The following IQSEC3 variants were observed in gnomAD, a reference collection of about 807,000 sequenced individuals.
The protein encoded by IQSEC3 is IQ motif and SEC7 domain-containing protein 3.
Under a neutral mutation model 105.4 loss-of-function variants are expected in IQSEC3, and 50 were observed. The observed-to-expected ratio is 0.47, with a 90% CI of 0.38 to 0.60. IQSEC3 has a LOEUF of 0.60. Ranked by LOEUF, IQSEC3 falls within the 20% of genes least tolerant of loss-of-function variation. The pLI is 0.00. For missense variants in IQSEC3, 1,415 were observed against 1,630.0 expected (o/e 0.87, Z 2.27); for synonymous variants, 708 against 746.0 (o/e 0.95, Z 0.83).
At chr12:123,438 A>AAAAT (rs1400199538) in intron 2 of IQSEC3, among the ~76,000 whole-genome samples, 4 of 152,178 alleles carry the variant, frequency 2.6e-5, no homozygotes, top group Admixed American at 6.5e-5. Context: ...CACTGGCTCA[A>AAAAT]AAATAAATAA....
At chr12:116,689 C>T (rs1865059649) in intron 2 of IQSEC3, among the ~76,000 whole-genome samples, 1 of 152,252 alleles carries the variant, frequency 6.6e-6, no homozygotes, top group Non-Finnish European at 1.5e-5. Context: ...GGAGGCACTT[C>T]CCTGACCCTT....
At chr12:134,232 A>G (rs1311971354) in intron 3 of IQSEC3, among the ~76,000 whole-genome samples, 1 of 152,270 alleles carries the variant, frequency 6.6e-6, no homozygotes, top group Non-Finnish European at 1.5e-5. Context: ...TGTGCTGGGC[A>G]CTGTCCAAGC....
chr12:104,449 T>C (rs1210602264), intron 2 of IQSEC3, among the ~76,000 whole-genome samples: 5 of 152,226 alleles, frequency 3.3e-5, no homozygotes, highest in African/African-American at 1.2e-4. Flanking sequence ...GAAGAAAATA[T>C]AAATGGGACT....
At chr12:149,679 G>A (rs1184941810) in intron 5 of IQSEC3, among the ~76,000 whole-genome samples, 2 of 152,220 alleles carry the variant, frequency 1.3e-5, no homozygotes, top group African/African-American at 2.4e-5. Flanking sequence ...ATGACACAGG[G>A]AGATAAACGC....
At chr12:83,406 C>G (rs548018697) in intron 1 of IQSEC3, among the ~76,000 whole-genome samples, 10 of 151,744 alleles carry the variant, frequency 6.6e-5, no homozygotes, top group African/African-American at 2.4e-4. Flanking sequence ...TTCCCAAGGA[C>G]TAGAAGAAAA....
Position 176,326 on chromosome 12 carries a change from C to T in IQSEC3, c.*1293C>T, listed in dbSNP as rs186216140. ...TCCCCAGCCAGACGAGAGGCAGCCA[C>T]CCCAGAGACCACAGGAGCCGTACCA... On this transcript the variant is annotated 3_prime_UTR_variant, in exon 14 of 14. Coordinates refer to ENST00000538872, the MANE Select transcript of IQSEC3 (RefSeq NM_001170738.2). This position sits in a 1 kb window ranked among gnomAD's most constrained non-coding sequence, Gnocchi z 4.0. 1.3e-5 allele frequency: 2 copies of T among 152,596 alleles called. No homozygotes were observed. The highest frequency in any genetic ancestry group is 4.8e-5 in the African/African-American group (2 of 41,590). The allele number at this position is 152,596 out of a possible 1,614,324, so 9.5% of individuals were successfully genotyped here. A position where few individuals can be genotyped will look rare whatever the true frequency, so the allele number is the denominator to read the frequency against.
chr12:72,232 T>C (rs1863346803), intron 1 of IQSEC3, among the ~76,000 whole-genome samples: 1 of 152,038 alleles, frequency 6.6e-6, no homozygotes, highest in Non-Finnish European at 1.5e-5. Flanking sequence ...GTCCTGCTGA[T>C]TCAGCAAATC....
Position 102,208 on chromosome 12 carries a change from A to G in IQSEC3, c.623+2994A>G, listed in dbSNP as rs192990808. Among the ~76,000 whole-genome samples the G allele has an allele frequency of 2.6e-3, 336 of 128,050 alleles. 1 individual carries two copies. In the East Asian group the frequency reaches 0.029, roughly 11 times the overall value. The allele number at this position is 128,050 out of a possible 152,430, so 84.0% of individuals were successfully genotyped here. A position where few individuals can be genotyped will look rare whatever the true frequency, so the allele number is the denominator to read the frequency against. On this transcript the variant is annotated intron_variant, in intron 2 of 13. Coordinates refer to ENST00000538872, the MANE Select transcript of IQSEC3 (RefSeq NM_001170738.2). Reference sequence around the variant, plus strand: ...CCCCCGTCAGTCTGGCTCCTCCCCCATCAGTCTGGCTCCTCCCCTGTCAGT... The same window carrying G: ...CCCCCGTCAGTCTGGCTCCTCCCCCGTCAGTCTGGCTCCTCCCCTGTCAGT...
chr12:96,765 A>G (rs1227835663), intron 1 of IQSEC3, among the ~76,000 whole-genome samples: 3 of 152,190 alleles, frequency 2.0e-5, no homozygotes, highest in African/African-American at 7.2e-5. Flanking sequence ...AGGGATATGG[A>G]GGCATGTCCT....
intron 1 of IQSEC3, among the ~76,000 whole-genome samples, chr12:94,552 C>T (rs1275601269): frequency 2.6e-5 from 4 of 152,246 alleles, no homozygotes; most frequent in East Asian, 3.9e-4. Flanking sequence ...AAGACAAGCT[C>T]CCCTCTTGGC....
intron 1 of IQSEC3, among the ~76,000 whole-genome samples, chr12:83,642 T>C (rs1233678129): frequency 7.6e-6 from 1 of 131,360 alleles, no homozygotes; most frequent in Non-Finnish European, 1.6e-5. Context: ...GGAGAGGAGA[T>C]GGCATCACAG....
At chr12:113,843 G>T (rs1199261008) in intron 2 of IQSEC3, among the ~76,000 whole-genome samples, 1 of 152,196 alleles carries the variant, frequency 6.6e-6, no homozygotes, top group Non-Finnish European at 1.5e-5. Context: ...TTTCTAGCTT[G>T]GAAAGAGAAA....
chr12:90,614 A>T (rs557168643), intron 1 of IQSEC3, among the ~76,000 whole-genome samples: 96 of 152,122 alleles, frequency 6.3e-4, no homozygotes, highest in African/African-American at 2.2e-3. Context: ...TGGTACTTTT[A>T]CCAAGGGTCA....
chr12:144,891 G>A (rs1555090547), intron 5 of IQSEC3, among the ~76,000 whole-genome samples: 12 of 152,228 alleles, frequency 7.9e-5, no homozygotes, highest in Admixed American at 5.9e-4. Flanking sequence ...GAGTGCAGTG[G>A]TGCAACCATG....
chr12:158,902 G>A (rs57835246), intron 7 of IQSEC3, among the ~76,000 whole-genome samples: 2,679 of 152,208 alleles, frequency 0.018, 92 homozygotes, highest in African/African-American at 0.062. Context: ...CAGGTGATCC[G>A]CCTGCCTCAG....
In IQSEC3 at chr12:102,845, G is replaced by A. The variant is rs143690454; in HGVS notation, c.623+3631G>A. Among the ~76,000 whole-genome samples the A allele has an allele frequency of 7.1e-4, 108 of 152,300 alleles. 1 individual carries two copies. In the East Asian group the frequency reaches 0.02, roughly 28 times the overall value. ...ATCTGGAGTACAGTGGAGCAGCTAC[G>A]GGGCTGGCAAAGCCCTGAAAGCCCT... On this transcript the variant is annotated intron_variant, in intron 2 of 13. Coordinates refer to ENST00000538872, the MANE Select transcript of IQSEC3 (RefSeq NM_001170738.2).
In IQSEC3 at chr12:138,792, C is replaced by T; in HGVS notation, c.1429C>T (p.His477Tyr). ...GGAGACCCCCGGCCTGCCCCCGGCC[C>T]ACAGCGGGACCCTCATGATGGCTTT... ...AAETPGLPPAHSGTLMMAFRD... is the reference protein window; with the variant it reads ...AAETPGLPPAYSGTLMMAFRD... The change falls in exon 4 of 14, where the codon CAC (histidine) becomes TAC (tyrosine). Residue 477 changes from histidine (H) to tyrosine (Y), a missense_variant. His to Tyr is a moderately conservative substitution (Grantham distance 83). Coordinates refer to ENST00000538872, the MANE Select transcript of IQSEC3 (RefSeq NM_001170738.2). The surrounding 1 kb of genome is among the most constrained non-coding windows in gnomAD (Gnocchi z 7.1). 1 of 1,604,564 alleles carries T rather than the reference C, an allele frequency of 6.2e-7. No homozygotes were observed. Among genetic ancestry groups the T allele is most frequent in the Non-Finnish European group, 8.5e-7 (1 of 1,177,658 alleles).
chr12:154,810 C>T (rs1356352448), intron 5 of IQSEC3, among the ~76,000 whole-genome samples: 1 of 151,298 alleles, frequency 6.6e-6, no homozygotes, highest in East Asian at 2.0e-4. Flanking sequence ...ATCTCAGTCT[C>T]CGGTCTTGCT....
intron 3 of IQSEC3, among the ~76,000 whole-genome samples, chr12:135,650 T>TATA (rs577502553): frequency 8.1e-4 from 123 of 152,346 alleles, no homozygotes; most frequent in Non-Finnish European, 1.3e-3. Flanking sequence ...GGGTCTGAGC[T>TATA]AATCAGGTCA....
Sources: gnomAD v4.1 joint callset for allele counts (sites outside exome capture counted in the v4.1 genomes callset) on GRCh38, gnomAD v4.1.1 for gene constraint, Gnocchi (gnomAD v3.1) non-coding constraint, MANE v1.5 for transcripts, NCBI Gene and HGNC (gene_info 2026-07-23, HGNC 2026-07-21) for gene names.